Variants in DMRTA2 observed in about 807,000 individuals in gnomAD.
The protein encoded by DMRTA2 is DMRT like family A2, also known as doublesex- and mab-3-related transcription factor A2.
A neutral mutation model predicts 29.7 loss-of-function variants in DMRTA2; 10 were observed. The ratio of observed to expected loss-of-function variants is 0.34; its 90% confidence interval spans 0.21 to 0.57. The LOEUF is 0.57. Among genes scored for constraint, DMRTA2 ranks in the 20% least tolerant of loss-of-function variants. DMRTA2 has a pLI of 0.87. For missense variants in DMRTA2, 783 were observed against 812.1 expected (o/e 0.96, Z 0.44); for synonymous variants, 469 against 402.6 (o/e 1.16, Z -1.97).
Position 50,420,958 on chromosome 1 carries a change from C to T in DMRTA2, c.559+20G>A, listed in dbSNP as rs988823756. Reference sequence around the variant, plus strand: ...GCTACGATCCTGCTGCCCCTACCTGCGGCCTGGCCGCGCTCTCACCTGAGC... The same window carrying T: ...GCTACGATCCTGCTGCCCCTACCTGTGGCCTGGCCGCGCTCTCACCTGAGC... On this transcript the variant is annotated intron_variant, in intron 2 of 2. Coordinates refer to ENST00000404795, the MANE Select transcript of DMRTA2 (RefSeq NM_032110.3). The surrounding 1 kb of genome is among the most constrained non-coding windows in gnomAD (Gnocchi z 4.1). The T allele has an allele frequency of 4.2e-6, 6 of 1,436,754 alleles. No homozygotes were observed. Among genetic ancestry groups the T allele is most frequent in the African/African-American group, 1.5e-5 (1 of 66,614 alleles). The allele number at this position is 1,436,754 out of a possible 1,614,324, so 89.0% of individuals were successfully genotyped here. A position where few individuals can be genotyped will look rare whatever the true frequency, so the allele number is the denominator to read the frequency against.
chr1:50,420,591 T>C lies in DMRTA2; in HGVS notation c.559+387A>G, dbSNP rs907815128. ...TGTCAGTTAAAGGGGGGGGGATTCC[T>C]TAAGGGAGTTGGGAAGGAGCAGAGG... On this transcript the variant is annotated intron_variant, in intron 2 of 2. Transcript: ENST00000404795. The surrounding 1 kb of genome is among the most constrained non-coding windows in gnomAD (Gnocchi z 4.1). 3.3e-5 allele frequency among the ~76,000 whole-genome samples: 5 copies of C among 151,714 alleles called. No individual in the cohort carries two copies. The highest frequency in any genetic ancestry group is 5.9e-5 in the Non-Finnish European group (4 of 67,912).
Position 50,418,839 on chromosome 1 carries a change from G to T in DMRTA2, c.1455C>A (p.Pro485=). ...TGGGCACCAAGCCGGCAGTGGAGTAGGGCGCCATGAAGGCCAGACCGCGGC... is the reference window on the plus strand; with the variant it reads ...TGGGCACCAAGCCGGCAGTGGAGTATGGCGCCATGAAGGCCAGACCGCGGC... ...AHSRGLAFMA[P]YSTAGLVPTL... Residue 485 remains proline, a synonymous_variant, in exon 3 of 3, where the codon CCC becomes CCA. Coordinates refer to ENST00000404795, the MANE Select transcript of DMRTA2 (RefSeq NM_032110.3). 6.3e-7 allele frequency: 1 copy of T among 1,578,366 alleles called. No homozygotes were observed. Among genetic ancestry groups the T allele is most frequent in the East Asian group, 2.4e-5 (1 of 41,026 alleles).
At position 50,420,787 on chromosome 1, in the gene DMRTA2, T is replaced by C. The variant is rs1646031196; in HGVS notation, c.559+191A>G. ...GGAGAAAGGGGTAAAGTGCAAATGC[T>C]CCAGAAGCGGGAGAAAGGAGAGTTT... is the stretch of plus-strand genomic sequence containing the variant. On this transcript the variant is annotated intron_variant, in intron 2 of 2. Transcript: ENST00000404795. The surrounding 1 kb of genome is among the most constrained non-coding windows in gnomAD (Gnocchi z 4.1). 6.6e-6 allele frequency among the ~76,000 whole-genome samples: 1 copy of C among 152,180 alleles called. No homozygotes were observed. Among genetic ancestry groups the C allele is most frequent in the South Asian group, 2.1e-4 (1 of 4,820 alleles).
Position 50,420,778 on chromosome 1 carries a change from T to G in DMRTA2, c.559+200A>C, listed in dbSNP as rs1238912771. On this transcript the variant is annotated intron_variant, in intron 2 of 2. Transcript: ENST00000404795. This position sits in a 1 kb window ranked among gnomAD's most constrained non-coding sequence, Gnocchi z 4.1. ...CCCGATGCAGGAGAAAGGGGTAAAG[T>G]GCAAATGCTCCAGAAGCGGGAGAAA... is the stretch of plus-strand genomic sequence containing the variant. Among the ~76,000 whole-genome samples the G allele has an allele frequency of 1.3e-5, 2 of 152,116 alleles. No individual in the cohort carries two copies. The highest frequency in any genetic ancestry group is 4.8e-5 in the African/African-American group (2 of 41,416).
Position 50,418,944 on chromosome 1 carries a change from G to C in DMRTA2, c.1350C>G (p.Ala450=), listed in dbSNP as rs1447150739. The C allele has an allele frequency of 2.8e-6, 4 of 1,443,370 alleles. No homozygotes were observed. Among genetic ancestry groups the C allele is most frequent in the East Asian group, 3.0e-5 (1 of 33,404 alleles). The allele number at this position is 1,443,370 out of a possible 1,614,324, so 89.4% of individuals were successfully genotyped here. A position where few individuals can be genotyped will look rare whatever the true frequency, so the allele number is the denominator to read the frequency against. Residue 450 remains alanine (A), a synonymous_variant, in exon 3 of 3, where the codon GCC becomes GCG. Transcript: ENST00000404795. ...CGCCCAGCGGGTAGGCGCCCGCGTCGGCACCGAAGTGACTGGCGTTGGGCT... is the reference window on the plus strand; with the variant it reads ...CGCCCAGCGGGTAGGCGCCCGCGTCCGCACCGAAGTGACTGGCGTTGGGCT... ...PLQPNASHFG[A]DAGAYPLGAP... is the part of the protein sequence containing the mutation.
rs2148965721 is a variant in DMRTA2, at chr1:50,421,085, C to G, written c.452G>C (p.Arg151Thr). Reference protein sequence around the residue: ...LAAANGIIPPRPAYEVFGSVC... With the variant: ...LAAANGIIPPTPAYEVFGSVC... ...TGAACCGAAGACCTCGTAGGCGGGC[C>G]TCGGGGGGATGATGCCGTTGGCGGC... The change falls in exon 2 of 3, where the codon AGG (arginine) becomes ACG (threonine). Residue 151 changes from arginine to threonine, a missense_variant. Coordinates refer to ENST00000404795, the MANE Select transcript of DMRTA2 (RefSeq NM_032110.3). The surrounding 1 kb of genome is among the most constrained non-coding windows in gnomAD (Gnocchi z 8.7). The G allele has an allele frequency of 6.6e-7, 1 of 1,523,044 alleles. No individual in the cohort carries two copies. The highest frequency in any genetic ancestry group is 1.2e-5 in the South Asian group (1 of 82,558). The allele number at this position is 1,523,044 out of a possible 1,614,324, so 94.3% of individuals were successfully genotyped here.
rs1646047206 is a variant in DMRTA2 at position 50,422,620 on chromosome 1, C to G, written c.-9+496G>C. ...AAGTTAGGCATTTCGGGAGGGGGATCTTTCTCGAAGACCACCTCACACTGC... is the reference window on the plus strand; with the variant it reads ...AAGTTAGGCATTTCGGGAGGGGGATGTTTCTCGAAGACCACCTCACACTGC... On this transcript the variant is annotated intron_variant, in intron 1 of 2. Coordinates refer to ENST00000404795, the MANE Select transcript of DMRTA2 (RefSeq NM_032110.3). The surrounding 1 kb of genome is among the most constrained non-coding windows in gnomAD (Gnocchi z 5.7). 6.6e-6 allele frequency among the ~76,000 whole-genome samples: 1 copy of G among 152,176 alleles called. No individual in the cohort carries two copies. Among genetic ancestry groups the G allele is most frequent in the East Asian group, 1.9e-4 (1 of 5,180 alleles).
rs917439131 is a variant in DMRTA2 at position 50,421,409 on chromosome 1, G to C, written c.128C>G (p.Pro43Arg). ...CAGCAAGCCGCCTGCCACGCTCACC[G>C]GTAGCGATGCAGCGGCCGCCGCGGC... is the stretch of plus-strand genomic sequence containing the variant. ...AAAAAAAASLPVSVAGGLLRG... is the reference protein window; with the variant it reads ...AAAAAAAASLRVSVAGGLLRG... Residue 43 changes from proline (P) to arginine (R), a missense_variant, in exon 2 of 3, where the codon CCG (proline) becomes CGG (arginine). Pro to Arg is a moderately radical substitution (Grantham distance 103). Coordinates refer to ENST00000404795, the MANE Select transcript of DMRTA2 (RefSeq NM_032110.3). This position sits in a 1 kb window ranked among gnomAD's most constrained non-coding sequence, Gnocchi z 8.7. 4 of 1,435,856 alleles carry C rather than the reference G, an allele frequency of 2.8e-6. No homozygotes were observed. The highest frequency in any genetic ancestry group is 1.4e-5 in the South Asian group (1 of 71,322). The allele number at this position is 1,435,856 out of a possible 1,614,324, so 88.9% of individuals were successfully genotyped here. A position where few individuals can be genotyped will look rare whatever the true frequency, so the allele number is the denominator to read the frequency against.
chr1:50,418,552 G>C lies in DMRTA2; in HGVS notation c.*113C>G, dbSNP rs1557939146. On this transcript the variant is annotated 3_prime_UTR_variant, in exon 3 of 3. Transcript: ENST00000404795. ...AAACCCAAAAACCACCTTAGAGTGA[G>C]AAGACGCCCAGCCAGGGCGCAGAGA... 1.1e-6 allele frequency: 1 copy of C among 945,576 alleles called. No homozygotes were observed. 58.6% of individuals were successfully genotyped at this position (945,576 alleles called of 1,614,324 possible).
Position 50,418,925 on chromosome 1 carries a change from G to T in DMRTA2, c.1369C>A (p.Leu457Met). The change falls in exon 3 of 3, where the codon CTG becomes ATG. Residue 457 changes from leucine to methionine, a missense_variant. Leu to Met is a conservative substitution (Grantham distance 15). Transcript: ENST00000404795. ...HFGADAGAYP[L>M]GAPLGLSPLR... ...GGGCTGAGGCCGAGCGGCGCGCCCA[G>T]CGGGTAGGCGCCCGCGTCGGCACCG... The T allele has an allele frequency of 7.0e-7, 1 of 1,436,702 alleles. No homozygotes were observed. The highest frequency in any genetic ancestry group is 9.1e-7 in the Non-Finnish European group (1 of 1,101,220). 89.0% of individuals were successfully genotyped at this position (1,436,702 alleles called of 1,614,324 possible). A position where few individuals can be genotyped will look rare whatever the true frequency, so the allele number is the denominator to read the frequency against.
Position 50,419,580 on chromosome 1 carries a change from G to T in DMRTA2, c.714C>A (p.Gly238=). 1 of 1,557,328 alleles carries T rather than the reference G, an allele frequency of 6.4e-7. No homozygotes were observed. The highest frequency in any genetic ancestry group is 8.7e-7 in the Non-Finnish European group (1 of 1,152,996). ...TSSPEVRPGS[G]SENGDGESFS... is the part of the protein sequence containing the mutation. Reference sequence around the variant, plus strand: ...AGGACTCGCCATCGCCGTTCTCCGAGCCTGAGCCGGGCCGCACCTCTGGGG... The same window carrying T: ...AGGACTCGCCATCGCCGTTCTCCGATCCTGAGCCGGGCCGCACCTCTGGGG... The change falls in exon 3 of 3, where the codon GGC becomes GGA. Residue 238 remains glycine (G), a synonymous_variant. Coordinates refer to ENST00000404795, the MANE Select transcript of DMRTA2 (RefSeq NM_032110.3). This position sits in a 1 kb window ranked among gnomAD's most constrained non-coding sequence, Gnocchi z 6.1.
rs1407929126 is a variant in DMRTA2, at chr1:50,418,333, G to A, written c.*332C>T. ...GATGAGCACAGCTAAGGAGCCGCAG[G>A]AGCCTGCGCTGCTGTCGCAGCCTCT... is the stretch of plus-strand genomic sequence containing the variant. On this transcript the variant is annotated 3_prime_UTR_variant, in exon 3 of 3. Transcript: ENST00000404795. 4.3e-6 allele frequency: 1 copy of A among 232,924 alleles called. No homozygotes were observed. Among genetic ancestry groups the A allele is most frequent in the Non-Finnish European group, 8.2e-6 (1 of 121,230 alleles). 14.4% of individuals were successfully genotyped at this position (232,924 alleles called of 1,614,324 possible).
In DMRTA2 at chr1:50,417,981, C is replaced by A. The variant is rs1645998089; in HGVS notation, c.*684G>T. On this transcript the variant is annotated 3_prime_UTR_variant, in exon 3 of 3. Transcript: ENST00000404795. ...TAGAATTCCATTTTATAACATTATA[C>A]ACTGGCTTGTATATATATATGTATA... 1 of 151,964 alleles carries A rather than the reference C, an allele frequency of 6.6e-6. No homozygotes were observed. Among genetic ancestry groups the A allele is most frequent in the Non-Finnish European group, 1.5e-5 (1 of 68,002 alleles). 9.4% of individuals were successfully genotyped at this position (151,964 alleles called of 1,614,324 possible). A position where few individuals can be genotyped will look rare whatever the true frequency, so the allele number is the denominator to read the frequency against.
Position 50,421,909 on chromosome 1 carries a change from T to TTGGG in DMRTA2, c.-8-369_-8-366dup, listed in dbSNP as rs1646041755. ...GATGATACCCCAAAGCTTAGCCTAA[T>TTGGG]TGGGGTGAGACGGGTGAGAGAAATG... On this transcript the variant is annotated intron_variant, in intron 1 of 2. Transcript: ENST00000404795. The surrounding 1 kb of genome is among the most constrained non-coding windows in gnomAD (Gnocchi z 8.7). 1.3e-5 allele frequency among the ~76,000 whole-genome samples: 2 copies of TTGGG among 152,216 alleles called. No homozygotes were observed. Among genetic ancestry groups the TTGGG allele is most frequent in the South Asian group, 4.1e-4 (2 of 4,830 alleles).
At position 50,419,581 on chromosome 1, in the gene DMRTA2, C is replaced by A. The variant is rs772872393; in HGVS notation, c.713G>T (p.Gly238Val). ...GGACTCGCCATCGCCGTTCTCCGAG[C>A]CTGAGCCGGGCCGCACCTCTGGGGA... ...TSSPEVRPGS[G>V]SENGDGESFS... is the part of the protein sequence containing the mutation. The change falls in exon 3 of 3, where the codon GGC becomes GTC. Residue 238 changes from glycine to valine, a missense_variant. Physicochemically the swap from Gly to Val is moderately radical, Grantham distance 109. Around this residue, in one of 3 missense-constraint regions of DMRTA2, gnomAD observed 667 missense variants for 624.8 expected, o/e 1.07. Coordinates refer to ENST00000404795, the MANE Select transcript of DMRTA2 (RefSeq NM_032110.3). The surrounding 1 kb of genome is among the most constrained non-coding windows in gnomAD (Gnocchi z 6.1). 21 of 1,557,144 alleles carry A rather than the reference C, an allele frequency of 1.3e-5. No individual in the cohort carries two copies. The highest frequency in any genetic ancestry group is 2.4e-5 in the East Asian group (1 of 42,224).
In DMRTA2 at chr1:50,420,725, T is replaced by TA. The variant is rs529105703; in HGVS notation, c.559+252dup. Among the ~76,000 whole-genome samples the TA allele has an allele frequency of 2.6e-4, 39 of 151,618 alleles. No individual in the cohort carries two copies. The highest frequency in any genetic ancestry group is 8.2e-4 in the African/African-American group (34 of 41,292). On this transcript the variant is annotated intron_variant, in intron 2 of 2. Transcript: ENST00000404795. This position sits in a 1 kb window ranked among gnomAD's most constrained non-coding sequence, Gnocchi z 4.1. The stretch of plus-strand genomic sequence containing the variant: ...CTGCCTGCGTTTGGGTAGAGGCGAG[T>TA]AAAAAAATTAAAGCGTGTACATTTC...
Position 50,419,668 on chromosome 1 carries a change from G to C in DMRTA2, c.626C>G (p.Pro209Arg). 6.7e-7 allele frequency: 1 copy of C among 1,495,366 alleles called. No individual in the cohort carries two copies. The highest frequency in any genetic ancestry group is 8.9e-7 in the Non-Finnish European group (1 of 1,126,302). 92.6% of individuals were successfully genotyped at this position (1,495,366 alleles called of 1,614,324 possible). A position where few individuals can be genotyped will look rare whatever the true frequency, so the allele number is the denominator to read the frequency against. ...TAAGGGCTTCACCGGCGGCGGCAGC[G>C]GGCTGCCCGGGCGGCCTGCCTGCAG... ...TLLQAGRPGS[P>R]LPPPVKPLSP... The change falls in exon 3 of 3, where the codon CCG (proline) becomes CGG (arginine). Residue 209 changes from proline to arginine, a missense_variant. Coordinates refer to ENST00000404795, the MANE Select transcript of DMRTA2 (RefSeq NM_032110.3). The surrounding 1 kb of genome is among the most constrained non-coding windows in gnomAD (Gnocchi z 6.1).
At position 50,419,684 on chromosome 1, in the gene DMRTA2, C is replaced by T. The variant is rs762952261; in HGVS notation, c.610G>A (p.Gly204Ser). ...GGCGGCAGCGGGCTGCCCGGGCGGC[C>T]TGCCTGCAGCAGCGTCTTAGGAAAC... ...DLFPKTLLQA[G>S]RPGSPLPPPV... is the part of the protein sequence containing the mutation. Residue 204 changes from glycine (G) to serine (S), a missense_variant, in exon 3 of 3, where the codon GGC becomes AGC. By Grantham distance (56) the Gly-to-Ser change is moderately conservative. Around this residue, in one of 3 missense-constraint regions of DMRTA2, gnomAD observed 667 missense variants for 624.8 expected, o/e 1.07. Transcript: ENST00000404795. The surrounding 1 kb of genome is among the most constrained non-coding windows in gnomAD (Gnocchi z 6.1). The T allele has an allele frequency of 2.7e-6, 4 of 1,500,264 alleles. No homozygotes were observed. Among genetic ancestry groups the T allele is most frequent in the Non-Finnish European group, 3.5e-6 (4 of 1,129,014 alleles). 92.9% of individuals were successfully genotyped at this position (1,500,264 alleles called of 1,614,324 possible).
At position 50,421,435 on chromosome 1, in the gene DMRTA2, T is replaced by G. The variant is rs1444620310; in HGVS notation, c.102A>C (p.Ala34=). The G allele has an allele frequency of 8.2e-6, 11 of 1,340,588 alleles. No homozygotes were observed. Among genetic ancestry groups the G allele is most frequent in the Non-Finnish European group, 1.0e-5 (11 of 1,049,822 alleles). 83.0% of individuals were successfully genotyped at this position (1,340,588 alleles called of 1,614,324 possible). ...GTAGCGATGCAGCGGCCGCCGCGGC[T>G]GCCGCCACCGACGCCACCGACGCCA... ...PPVASVASVA[A]AAAAAASLPV... is the part of the protein sequence containing the mutation. The change falls in exon 2 of 3, where the codon GCA becomes GCC. Residue 34 remains alanine, a synonymous_variant. Transcript: ENST00000404795. This position sits in a 1 kb window ranked among gnomAD's most constrained non-coding sequence, Gnocchi z 8.7.
Sources: gnomAD v4.1 joint callset for allele counts (sites outside exome capture counted in the v4.1 genomes callset) on GRCh38, gnomAD v4.1.1 for gene constraint, gnomAD v4.1.1 regional missense constraint, Gnocchi (gnomAD v3.1) non-coding constraint, MANE v1.5 for transcripts, NCBI Gene and HGNC (gene_info 2026-07-23, HGNC 2026-07-21) for gene names.